DIP2C: variants seen among roughly 807,000 people sequenced by gnomAD.
The protein encoded by DIP2C is disco-interacting protein 2 homolog C.
Under a neutral mutation model 192.4 loss-of-function variants are expected in DIP2C, and 33 were observed. The ratio of observed to expected loss-of-function variants is 0.17; its 90% CI spans 0.13 to 0.23. The LOEUF is 0.23. Ranked by LOEUF, DIP2C falls within the 10% of genes least tolerant of loss-of-function variation. DIP2C has a pLI of 1.00. For synonymous variants in DIP2C, 979 were observed against 864.1 expected (o/e 1.13, Z -2.33); for missense variants, 1,537 against 2,110.1 (o/e 0.73, Z 5.32).
Position 419,095 on chromosome 10 carries a change from C to CGTA in DIP2C, c.706_708dup (p.Tyr236dup), listed in dbSNP as rs894240820. 10 of 1,614,160 alleles carry CGTA rather than the reference C, an allele frequency of 6.2e-6. No individual in the cohort carries two copies. Among genetic ancestry groups the CGTA allele is most frequent in the Non-Finnish European group, 8.5e-6 (10 of 1,180,056 alleles). ...CCGGTCTCCATGAGCTCGGCGTTGCCGTACTTGGGCGCTGTCCGGGACCCC... is the reference window on the plus strand; with the variant it reads ...CCGGTCTCCATGAGCTCGGCGTTGCCGTAGTACTTGGGCGCTGTCCGGGACCCC... On this transcript the variant is annotated inframe_insertion, in exon 6 of 37. Coordinates refer to ENST00000280886, the MANE Select transcript of DIP2C (RefSeq NM_014974.3).
intron 4 of DIP2C, among the ~76,000 whole-genome samples, chr10:431,499 C>T (rs1283481268): frequency 6.6e-6 from 1 of 152,122 alleles, no homozygotes; most frequent in Admixed American, 6.5e-5. Context: ...GTTGGCCAGG[C>T]TGGTCTCGAA....
chr10:484,646 T>G (rs905612597), intron 2 of DIP2C: 11 of 1,273,602 alleles, frequency 8.6e-6, no homozygotes, highest in Middle Eastern at 2.7e-4. Flanking sequence ...TGGAGCGACC[T>G]GGCTCACTGG....
chr10:430,680 T>C (rs1450114626), intron 4 of DIP2C, among the ~76,000 whole-genome samples: 1 of 152,272 alleles, frequency 6.6e-6, no homozygotes, highest in African/African-American at 2.4e-5. Context: ...TCATTTTTAT[T>C]GGAGTCCAGC....
At chr10:474,224 T>C (rs2066316) in intron 2 of DIP2C, among the ~76,000 whole-genome samples, 126,680 of 152,220 alleles carry the variant, frequency 0.83, 55,910 homozygotes, top group Non-Finnish European at 0.96. Flanking sequence ...CATGACTTCC[T>C]GAATTGTCCT....
At chr10:545,173 T>TTTTTTTTTTG (rs1848220548) in intron 1 of DIP2C, among the ~76,000 whole-genome samples, 1 of 141,518 alleles carries the variant, frequency 7.1e-6, no homozygotes, top group Non-Finnish European at 1.5e-5. Flanking sequence ...TCCCTTTTTT[T>TTTTTTTTTTG]TTTTTTTTTT....
At chr10:279,626 C>A (rs1002440436) in intron 36 of DIP2C, among the ~76,000 whole-genome samples, 2 of 152,268 alleles carry the variant, frequency 1.3e-5, no homozygotes, top group African/African-American at 2.4e-5. Flanking sequence ...CAGCATGGAG[C>A]AGCCGATGGT....
At chr10:297,871 G>C (rs2132245867) in intron 32 of DIP2C, among the ~76,000 whole-genome samples, 1 of 152,246 alleles carries the variant, frequency 6.6e-6, no homozygotes, top group East Asian at 1.9e-4. Flanking sequence ...CTAACTACAT[G>C]TTATATGTAT....
intron 3 of DIP2C, among the ~76,000 whole-genome samples, chr10:464,140 C>T (rs1970017991): frequency 6.6e-6 from 1 of 152,132 alleles, no homozygotes; most frequent in Admixed American, 6.5e-5. Flanking sequence ...CCAAAATTGA[C>T]AAATGGCATC....
intron 1 of DIP2C, among the ~76,000 whole-genome samples, chr10:669,772 G>A (rs933732045): frequency 6.6e-6 from 1 of 152,184 alleles, no homozygotes; most frequent in Non-Finnish European, 1.5e-5. Flanking sequence ...ATGCAAAAGT[G>A]ATCTGAAGAC....
intron 1 of DIP2C, among the ~76,000 whole-genome samples, chr10:583,328 G>A (rs548033392): frequency 6.6e-6 from 1 of 152,316 alleles, no homozygotes; most frequent in South Asian, 2.1e-4. Context: ...ATAGCTAGTT[G>A]GGAACATTTT....
chr10:674,789 T>TATATATATATATATAGAGAGAGAGAGAG, intron 1 of DIP2C, among the ~76,000 whole-genome samples: 4 of 62,486 alleles, frequency 6.4e-5, no homozygotes, highest in East Asian at 1.1e-3. Flanking sequence ...TATATATATA[T>TATATATATATATATAGAGAGAGAGAGAG]AGAGAGAGAG....
At chr10:489,071 G>A (rs1844235016) in intron 1 of DIP2C, among the ~76,000 whole-genome samples, 1 of 152,190 alleles carries the variant, frequency 6.6e-6, no homozygotes, top group Non-Finnish European at 1.5e-5. Context: ...GAAGACGACG[G>A]CTTGATGTGC....
At chr10:372,734 G>C (rs576243246) in intron 17 of DIP2C, among the ~76,000 whole-genome samples, 10 of 149,728 alleles carry the variant, frequency 6.7e-5, no homozygotes, top group African/African-American at 2.5e-4. Context: ...CAACACACAG[G>C]CGGGCACAGA....
chr10:544,476 G>C (rs1848175814), intron 1 of DIP2C, among the ~76,000 whole-genome samples: 1 of 152,212 alleles, frequency 6.6e-6, no homozygotes, highest in African/African-American at 2.4e-5. Flanking sequence ...GGGTCGTACA[G>C]TGATTTTATG....
intron 1 of DIP2C, among the ~76,000 whole-genome samples, chr10:528,737 G>C (rs1847205383): frequency 1.3e-5 from 2 of 152,306 alleles, no homozygotes; most frequent in African/African-American, 2.4e-5. Context: ...CAACGGTGCA[G>C]TGTGCCCCAG....
In DIP2C at chr10:472,443, C is replaced by T; in HGVS notation, c.264G>A (p.Arg88=). The change falls in exon 3 of 37, where the codon CGG becomes CGA. Residue 88 remains arginine (R), a synonymous_variant. Transcript: ENST00000280886. ...RSSGSRDERY[R]SDVHTEAVQA... is the part of the protein sequence containing the mutation. ...ATCACCCCACCCCGTGCTTACCTGA[C>T]CGATAGCGCTCATCTCGTGACCCTG... The T allele has an allele frequency of 6.2e-7, 1 of 1,614,014 alleles. No individual in the cohort carries two copies. Among genetic ancestry groups the T allele is most frequent in the Non-Finnish European group, 8.5e-7 (1 of 1,179,914 alleles).
chr10:666,125 GC>G lies in DIP2C; in HGVS notation c.85+23368del, dbSNP rs1267669808. Reference sequence around the variant, plus strand: ...AGCTGTGAGTTCGTGGGAAAGAAGGGCTATCTGGAATAATACGAGTCCGGGT... The same window carrying G: ...AGCTGTGAGTTCGTGGGAAAGAAGGGTATCTGGAATAATACGAGTCCGGGT... On this transcript the variant is annotated intron_variant, in intron 1 of 36. Coordinates refer to ENST00000280886, the MANE Select transcript of DIP2C (RefSeq NM_014974.3). This position sits in a 1 kb window ranked among gnomAD's most constrained non-coding sequence, Gnocchi z 4.1. 4 of 152,314 alleles carry G rather than the reference GC, an allele frequency of 2.6e-5. No homozygotes were observed. The East Asian group carries it at 7.7e-4, about 29-fold the overall frequency. 9.4% of individuals were successfully genotyped at this position (152,314 alleles called of 1,614,324 possible).
chr10:677,481 A>C (rs1326843275), intron 1 of DIP2C, among the ~76,000 whole-genome samples: 1 of 152,220 alleles, frequency 6.6e-6, no homozygotes, highest in Admixed American at 6.5e-5. Context: ...GTAAATAAAA[A>C]GAGAAAATGT....
chr10:597,705 A>T (rs116478412), intron 1 of DIP2C, among the ~76,000 whole-genome samples: 348 of 152,374 alleles, frequency 2.3e-3, no homozygotes, highest in Middle Eastern at 0.01. Context: ...CAATTACGTA[A>T]GTCTTCAGAG....
Sources: gnomAD v4.1 joint callset for allele counts (sites outside exome capture counted in the v4.1 genomes callset) on GRCh38, gnomAD v4.1.1 for gene constraint, Gnocchi (gnomAD v3.1) non-coding constraint, MANE v1.5 for transcripts, NCBI Gene and HGNC (gene_info 2026-07-23, HGNC 2026-07-21) for gene names.